The following SUMF1 variants were observed in gnomAD, a reference collection of about 807,000 sequenced individuals.
SUMF1 encodes the protein sulfatase modifying factor 1, also known as formylglycine-generating enzyme.
A neutral mutation model predicts 47.6 loss-of-function variants in SUMF1; 48 were observed. That is an observed-to-expected ratio of 1.01 (90% CI 0.80 to 1.28). The LOEUF (loss-of-function observed/expected upper bound fraction) is 1.28. SUMF1 is among the 50% of genes most tolerant of loss of function. The pLI is 0.00. For synonymous variants in SUMF1, 230 were observed against 192.1 expected, an observed-to-expected ratio of 1.20 and a Z score of -1.63; for missense variants, 571 against 485.4, an observed-to-expected ratio of 1.18 and a Z score of -1.66.
chr3:4,099,528 G>A (rs894996920), intron 8 of SUMF1, among the ~76,000 whole-genome samples: 4 of 152,040 alleles, frequency 2.6e-5, no homozygotes, highest in Admixed American at 1.3e-4. Flanking sequence ...AAAGTCAAAT[G>A]CTTTCCATCT....
chr3:4,297,395 G>C (rs1037950769), intron 8 of SUMF1, among the ~76,000 whole-genome samples: 1 of 151,986 alleles, frequency 6.6e-6, no homozygotes. Flanking sequence ...GTATCTACTG[G>C]TGTCAGGTGT....
At chr3:4,195,737 A>G (rs1379098802) in intron 8 of SUMF1, among the ~76,000 whole-genome samples, 1 of 152,270 alleles carries the variant, frequency 6.6e-6, no homozygotes. Context: ...GACTCAGACT[A>G]AAGTTTTTCA....
intron 4 of SUMF1, among the ~76,000 whole-genome samples, chr3:4,418,973 C>T (rs918725326): frequency 6.6e-6 from 1 of 152,142 alleles, no homozygotes; most frequent in Admixed American, 6.5e-5. Flanking sequence ...TTTGAATTCC[C>T]CACAGTAATT....
intron 9 of SUMF1, among the ~76,000 whole-genome samples, chr3:4,048,765 A>G (rs1695051936): frequency 6.6e-6 from 1 of 152,158 alleles, no homozygotes; most frequent in Non-Finnish European, 1.5e-5. Context: ...AACCATGTAC[A>G]TTTCATTGCA....
At chr3:4,457,381 G>C (rs1009789182) in intron 1 of SUMF1, among the ~76,000 whole-genome samples, 3 of 151,470 alleles carry the variant, frequency 2.0e-5, no homozygotes, top group African/African-American at 7.3e-5. Flanking sequence ...CATTTTTCAA[G>C]GAAATAGAAA....
At chr3:4,399,584 T>A (rs960110735) in intron 7 of SUMF1, among the ~76,000 whole-genome samples, 1 of 152,106 alleles carries the variant, frequency 6.6e-6, no homozygotes, top group African/African-American at 2.4e-5. Context: ...GCTGAGACAG[T>A]GCGGGAACAT....
At chr3:4,304,583 C>T (rs1481260633) in intron 8 of SUMF1, among the ~76,000 whole-genome samples, 1 of 152,178 alleles carries the variant, frequency 6.6e-6, no homozygotes, top group Admixed American at 6.5e-5. Flanking sequence ...AGCTACTTCC[C>T]AGAGCCTGAG....
At chr3:4,428,591 C>A (rs1702139078) in intron 3 of SUMF1, among the ~76,000 whole-genome samples, 2 of 152,272 alleles carry the variant, frequency 1.3e-5, no homozygotes, top group South Asian at 2.1e-4. Context: ...TGTCCTCAAG[C>A]AATCCTCCCA....
At chr3:4,302,850 C>T (rs1381203011) in intron 8 of SUMF1, among the ~76,000 whole-genome samples, 1 of 152,082 alleles carries the variant, frequency 6.6e-6, no homozygotes, top group African/African-American at 2.4e-5. Context: ...GGGAAAAGGA[C>T]AGGCAAAGGG....
Position 4,087,073 on chromosome 3 carries a change from C to T in SUMF1, c.1015-18328G>A, listed in dbSNP as rs1692687377. 2.0e-5 allele frequency among the ~76,000 whole-genome samples: 3 copies of T among 152,172 alleles called. No homozygotes were observed. The South Asian group carries it at 6.2e-4, about 32-fold the overall frequency. On this transcript the variant is annotated intron_variant and NMD_transcript_variant, in intron 8 of 12. Coordinates refer to the SUMF1 transcript ENST00000448413. The stretch of plus-strand genomic sequence containing the variant: ...AACATCTAATAGAAAAGATCTTTTC[C>T]CCACTTTAGTTTCCAAAGAGCGATC...
At chr3:4,421,465 G>A (rs1336613009) in intron 3 of SUMF1, among the ~76,000 whole-genome samples, 2 of 152,112 alleles carry the variant, frequency 1.3e-5, no homozygotes, top group Admixed American at 1.3e-4. Context: ...GCTAATACTA[G>A]CTAAAGAACA....
intron 8 of SUMF1, among the ~76,000 whole-genome samples, chr3:4,294,026 C>T (rs1372706808): frequency 1.3e-5 from 2 of 152,156 alleles, no homozygotes; most frequent in African/African-American, 4.8e-5. Flanking sequence ...ACCACTCATA[C>T]ATGTGAAATA....
At position 4,188,576 on chromosome 3, in the gene SUMF1, G is replaced by A. The variant is rs1308865628; in HGVS notation, c.1015-119831C>T. Among the ~76,000 whole-genome samples, 5 of 152,074 alleles carry A rather than the reference G, an allele frequency of 3.3e-5. No individual in the cohort carries two copies. In the East Asian group the frequency reaches 7.7e-4, roughly 24 times the overall value. On this transcript the variant is annotated intron_variant and NMD_transcript_variant, in intron 8 of 12. Transcript: ENST00000448413. The stretch of plus-strand genomic sequence containing the variant: ...TTCCACAAAACATGAGTTTAATGAG[G>A]TGGCAATAGACATGGCCTGGGACTA...
chr3:4,138,536 G>A (rs1212607420), intron 8 of SUMF1, among the ~76,000 whole-genome samples: 2 of 152,046 alleles, frequency 1.3e-5, no homozygotes, highest in African/African-American at 4.8e-5. Flanking sequence ...GACAGTATGT[G>A]ATAAAGTCTT....
intron 8 of SUMF1, among the ~76,000 whole-genome samples, chr3:4,223,280 C>G (rs764504034): frequency 6.6e-6 from 1 of 152,098 alleles, no homozygotes; most frequent in South Asian, 2.1e-4. Context: ...CAGACAGGTT[C>G]AAGTTTGAAT....
rs1700452699 is a variant in SUMF1 at position 4,380,009 on chromosome 3, G to A, written c.955-3620C>T. On this transcript the variant is annotated intron_variant, in intron 7 of 8. Transcript: ENST00000272902. ...GTCTCTCATGATCAAGTTTATGACT[G>A]CAGGCTAAAACAACTTAAGTGGCTA... Among the ~76,000 whole-genome samples, 3 of 152,148 alleles carry A rather than the reference G, an allele frequency of 2.0e-5. No individual in the cohort carries two copies. In the South Asian group the frequency reaches 6.2e-4, roughly 32 times the overall value.
At chr3:4,129,243 G>C (rs185012213) in intron 8 of SUMF1, among the ~76,000 whole-genome samples, 3 of 152,190 alleles carry the variant, frequency 2.0e-5, no homozygotes, top group African/African-American at 7.2e-5. Context: ...TGGATCCCAA[G>C]GTGGCAGGGG....
intron 7 of SUMF1, among the ~76,000 whole-genome samples, chr3:4,404,454 C>A (rs1208617539): frequency 6.6e-6 from 1 of 152,132 alleles, no homozygotes; most frequent in Non-Finnish European, 1.5e-5. Context: ...CTCAGAATGT[C>A]CTGATTAAAA....
intron 8 of SUMF1, among the ~76,000 whole-genome samples, chr3:4,247,090 A>T (rs1274293433): frequency 2.0e-5 from 3 of 152,188 alleles, no homozygotes; most frequent in African/African-American, 7.2e-5. Flanking sequence ...ATTCTCTGGA[A>T]ATATTAAAAC....
Sources: gnomAD v4.1 joint callset for allele counts (sites outside exome capture counted in the v4.1 genomes callset) on GRCh38, gnomAD v4.1.1 for gene constraint, MANE v1.5 for transcripts, NCBI Gene and HGNC (gene_info 2026-07-23, HGNC 2026-07-21) for gene names.